The following BAZ2B variants were observed in gnomAD, a reference collection of about 807,000 sequenced individuals.
BAZ2B encodes bromodomain adjacent to zinc finger domain protein 2B.
In BAZ2B, 91 loss-of-function variants were observed where a neutral mutation model predicts 246.0. That is an observed-to-expected ratio of 0.37 (90% CI 0.31 to 0.44). The LOEUF is 0.44. BAZ2B is among the 20% of genes least tolerant of loss of function. The pLI is 1.00. For missense variants in BAZ2B, 2,332 were observed against 2,533.7 expected (o/e 0.92, Z 1.71); for synonymous variants, 855 against 860.0 (o/e 0.99, Z 0.10).
the BAZ2B span, among the ~76,000 whole-genome samples, chr2:159,691,645 C>T: frequency 6.6e-6 from 1 of 152,204 alleles, no homozygotes; most frequent in Admixed American, 6.5e-5. Flanking sequence ...ATTGTAATGT[C>T]ATGACTTCAC....
intron 1 of BAZ2B, among the ~76,000 whole-genome samples, chr2:159,588,826 AAAAC>A (rs1688651029): frequency 6.6e-6 from 1 of 152,206 alleles, no homozygotes; most frequent in African/African-American, 2.4e-5. Context: ...CTCTAAAACA[AAAAC>A]AAAATGTAAG....
chr2:159,465,379 A>G (rs2076914851), intron 3 of BAZ2B, among the ~76,000 whole-genome samples: 1 of 152,210 alleles, frequency 6.6e-6, no homozygotes, highest in Non-Finnish European at 1.5e-5. Context: ...CTGAAGTATT[A>G]AGGGGTTAGG....
At chr2:159,674,441 G>A in the BAZ2B span, among the ~76,000 whole-genome samples, 99 of 151,902 alleles carry the variant, frequency 6.5e-4, no homozygotes, top group East Asian at 0.017. Flanking sequence ...GAGGCTGGGC[G>A]CGGTGGCTCA....
chr2:159,383,777 T>A, intron 23 of BAZ2B, 97 bp from the exon 24 acceptor site: 1 of 1,046,980 alleles, frequency 9.6e-7, no homozygotes, highest in Non-Finnish European at 1.4e-6. Context: ...ATTAATGCAT[T>A]TTTGAATAAG....
At chr2:159,523,750 T>C (rs2084406815) in intron 2 of BAZ2B, among the ~76,000 whole-genome samples, 1 of 152,052 alleles carries the variant, frequency 6.6e-6, no homozygotes, top group Non-Finnish European at 1.5e-5. Context: ...AGACTAGACT[T>C]ACTCAGAATA....
At chr2:159,468,899 A>T (rs1007940425) in intron 3 of BAZ2B, among the ~76,000 whole-genome samples, 5 of 151,986 alleles carry the variant, frequency 3.3e-5, no homozygotes, top group African/African-American at 4.8e-5. Context: ...AAATATAAAA[A>T]AATTAGCTAG....
At position 159,554,444 on chromosome 2, in the gene BAZ2B, C is replaced by T. The variant is rs562450583; in HGVS notation, c.-3+1379G>A. On this transcript the variant is annotated intron_variant, in intron 2 of 36. Transcript: ENST00000392783. ...TAAGAAAAAATAAACAAGGAAAGAG[C>T]TACAAATCAAAGAAAGCTAAAATGC... is the stretch of plus-strand genomic sequence containing the variant. Among the ~76,000 whole-genome samples, 6 of 151,882 alleles carry T rather than the reference C, an allele frequency of 4.0e-5. No homozygotes were observed. The South Asian group carries it at 1.2e-3, about 32-fold the overall frequency.
intron 2 of BAZ2B, among the ~76,000 whole-genome samples, chr2:159,539,458 C>T (rs1321113678): frequency 6.6e-6 from 1 of 152,156 alleles, no homozygotes; most frequent in African/African-American, 2.4e-5. Context: ...TATAATAATG[C>T]TTTAATACCA....
chr2:159,535,156 AT>A (rs1190573385), intron 2 of BAZ2B, among the ~76,000 whole-genome samples: 2 of 151,574 alleles, frequency 1.3e-5, no homozygotes, highest in Non-Finnish European at 2.9e-5. Flanking sequence ...AGTGAGGTAA[AT>A]TTTTGCTCTT....
chr2:159,381,746 T>C (rs2062018909), intron 25 of BAZ2B, among the ~76,000 whole-genome samples: 1 of 152,166 alleles, frequency 6.6e-6, no homozygotes, highest in Non-Finnish European at 1.5e-5. Flanking sequence ...TTCCTGCCAC[T>C]AAAAAAGCAA....
chr2:159,407,982 T>C (rs13003835), intron 14 of BAZ2B, among the ~76,000 whole-genome samples: 108,416 of 152,076 alleles, frequency 0.71, 40,387 homozygotes, highest in Non-Finnish European at 0.84. Flanking sequence ...AGGCCTGACT[T>C]TGTCTTGAAA....
At chr2:159,649,891 T>A in the BAZ2B span, among the ~76,000 whole-genome samples, 1 of 152,206 alleles carries the variant, frequency 6.6e-6, no homozygotes, top group African/African-American at 2.4e-5. Flanking sequence ...CACAGCTTAG[T>A]GCTGTTCTAT....
At chr2:159,406,912 G>A (rs1394949714) in intron 14 of BAZ2B, among the ~76,000 whole-genome samples, 2 of 151,608 alleles carry the variant, frequency 1.3e-5, no homozygotes, top group African/African-American at 2.4e-5. Flanking sequence ...CCGCCACCAC[G>A]CCCAGCTAAT....
chr2:159,655,237 T>C, the BAZ2B span, among the ~76,000 whole-genome samples: 3 of 152,186 alleles, frequency 2.0e-5, no homozygotes, highest in Non-Finnish European at 2.9e-5. Flanking sequence ...CTGTCTCTGC[T>C]AAAAATACAA....
chr2:159,576,835 C>T (rs1685430093), intron 1 of BAZ2B, among the ~76,000 whole-genome samples: 1 of 149,302 alleles, frequency 6.7e-6, no homozygotes, highest in Non-Finnish European at 1.5e-5. Flanking sequence ...ATCGCTTGAA[C>T]CCAGGAGGCA....
intron 17 of BAZ2B, among the ~76,000 whole-genome samples, chr2:159,399,677 G>C (rs2064654818): frequency 6.6e-6 from 1 of 151,972 alleles, no homozygotes. Context: ...ATTTGAAATG[G>C]GTAAGAAAAA....
intron 27 of BAZ2B, among the ~76,000 whole-genome samples, chr2:159,356,820 G>T (rs1007062102): frequency 6.6e-6 from 1 of 152,202 alleles, no homozygotes; most frequent in Non-Finnish European, 1.5e-5. Flanking sequence ...CTCCGCTGGT[G>T]ATAACAGGCA....
chr2:159,618,917 A>G (rs1170691961), upstream of BAZ2B, among the ~76,000 whole-genome samples: 3 of 152,120 alleles, frequency 2.0e-5, no homozygotes, highest in Non-Finnish European at 2.9e-5. Flanking sequence ...GCATGGTTCA[A>G]TTTTTGGTTC....
chr2:159,565,526 C>T (rs1341225141), intron 1 of BAZ2B, among the ~76,000 whole-genome samples: 1 of 152,110 alleles, frequency 6.6e-6, no homozygotes, highest in African/African-American at 2.4e-5. Context: ...CACCTGTAAT[C>T]CCAGCACTTT....
Sources: allele counts gnomAD v4.1 joint callset (sites outside exome capture counted in the v4.1 genomes callset), GRCh38; gene constraint gnomAD v4.1.1; transcripts MANE v1.5; gene names NCBI Gene and HGNC (gene_info 2026-07-23, HGNC 2026-07-21).